The following SBF2 variants were observed in gnomAD, a reference collection of about 807,000 sequenced individuals.
SBF2 encodes SET binding factor 2, also known as myotubularin-related protein 13.
A neutral mutation model predicts 225.2 loss-of-function variants in SBF2; 112 were observed. The observed-to-expected ratio is 0.50, with a 90% CI of 0.43 to 0.58. The LOEUF (loss-of-function observed/expected upper bound fraction) is 0.58, where lower values mean the gene tolerates loss of function less well. SBF2 is among the 20% of genes least tolerant of loss of function. The probability of loss-of-function intolerance (pLI) is 0.00; values close to 1 mark genes in which losing one functional copy is unlikely to be tolerated. For missense variants in SBF2, 1,996 were observed against 2,206.2 expected (o/e 0.90, Z 1.91); for synonymous variants, 763 against 773.3 (o/e 0.99, Z 0.22).
At position 9,834,868 on chromosome 11, in the gene SBF2, C is replaced by A. The variant is rs115545933; in HGVS notation, c.3456-2448G>T. Among the ~76,000 whole-genome samples the A allele has an allele frequency of 3.6e-3, 552 of 152,286 alleles. 3 individuals are homozygous for A. Among genetic ancestry groups the A allele is most frequent in the African/African-American group, 0.013 (525 of 41,554 alleles). On this transcript the variant is annotated intron_variant, in intron 26 of 39. Transcript: ENST00000256190. ...AACGAGCACACTCCTTCACTCCCTGCCCCCTGTAGTGAGCCATCTCCTTCC... is the reference window on the plus strand; with the variant it reads ...AACGAGCACACTCCTTCACTCCCTGACCCCTGTAGTGAGCCATCTCCTTCC...
intron 16 of SBF2, among the ~76,000 whole-genome samples, chr11:9,949,933 A>G (rs1355817099): frequency 6.6e-6 from 1 of 152,162 alleles, no homozygotes; most frequent in Non-Finnish European, 1.5e-5. Flanking sequence ...AAATATCCAC[A>G]ATGTATACAT....
intron 2 of SBF2, among the ~76,000 whole-genome samples, chr11:10,080,994 T>C (rs1326199596): frequency 1.3e-5 from 2 of 152,000 alleles, no homozygotes; most frequent in Non-Finnish European, 2.9e-5. Context: ...AAAATATAGA[T>C]AGCAATACAA....
At chr11:10,263,809 G>A (rs565332304) in intron 1 of SBF2, among the ~76,000 whole-genome samples, 5 of 152,120 alleles carry the variant, frequency 3.3e-5, no homozygotes, top group African/African-American at 1.2e-4. Flanking sequence ...ACATCCTTAC[G>A]GAAAAGGTGA....
chr11:9,889,857 G>A (rs1228823650), intron 17 of SBF2, among the ~76,000 whole-genome samples: 2 of 152,058 alleles, frequency 1.3e-5, no homozygotes, highest in African/African-American at 4.8e-5. Context: ...ATGGGCATAA[G>A]GTTTCTTTTT....
intron 36 of SBF2, among the ~76,000 whole-genome samples, chr11:9,786,352 G>C (rs1223337785): frequency 6.6e-6 from 1 of 152,110 alleles, no homozygotes; most frequent in Non-Finnish European, 1.5e-5. Flanking sequence ...ATAACTTTCT[G>C]TGTGTTCTTT....
intron 2 of SBF2, among the ~76,000 whole-genome samples, chr11:10,172,056 T>G (rs1018949409): frequency 1.3e-5 from 2 of 152,100 alleles, no homozygotes; most frequent in Admixed American, 6.5e-5. Flanking sequence ...GGCTAAAGGT[T>G]TGTCAATTTT....
At chr11:9,861,489 C>A (rs1221054998) in intron 17 of SBF2, among the ~76,000 whole-genome samples, 1 of 152,030 alleles carries the variant, frequency 6.6e-6, no homozygotes, top group Admixed American at 6.6e-5. Flanking sequence ...TATGGTGAAA[C>A]CCCGTCTCTA....
intron 9 of SBF2, among the ~76,000 whole-genome samples, chr11:9,994,335 C>A (rs922555106): frequency 6.6e-5 from 10 of 151,346 alleles, no homozygotes. Context: ...ATTAGCCGGG[C>A]GTGGTGGTGG....
At chr11:10,133,377 C>A (rs533186396) in intron 2 of SBF2, among the ~76,000 whole-genome samples, 1 of 149,542 alleles carries the variant, frequency 6.7e-6, no homozygotes, top group Admixed American at 6.8e-5. Context: ...CGGGGAGGCT[C>A]GGGCCGCACA....
chr11:9,900,848 T>C (rs1384839605), intron 16 of SBF2, among the ~76,000 whole-genome samples: 1 of 152,116 alleles, frequency 6.6e-6, no homozygotes, highest in Non-Finnish European at 1.5e-5. Context: ...GCGATCCTCC[T>C]GCCTCAGCCT....
At position 9,993,122 on chromosome 11, in the gene SBF2, A is replaced by G. The variant is rs1200411646; in HGVS notation, c.1054-19T>C. The G allele has an allele frequency of 6.4e-7, 1 of 1,550,466 alleles. No individual in the cohort carries two copies. The highest frequency in any genetic ancestry group is 1.4e-5 in the African/African-American group (1 of 73,706). ...CTTTATCCTAAAAATATAAGAAGAA[A>G]TGTTAGGTAATTTAACTTTTTAAAA... On this transcript the variant is annotated intron_variant, in intron 10 of 39. Transcript: ENST00000256190.
chr11:10,130,770 A>T (rs948566362), intron 2 of SBF2, among the ~76,000 whole-genome samples: 1 of 152,186 alleles, frequency 6.6e-6, no homozygotes, highest in Non-Finnish European at 1.5e-5. Context: ...GGAGAATGCT[A>T]TATAAATTGA....
intron 23 of SBF2, among the ~76,000 whole-genome samples, chr11:9,846,559 T>G (rs1436958207): frequency 6.6e-6 from 1 of 152,230 alleles, no homozygotes; most frequent in Non-Finnish European, 1.5e-5. Context: ...CAATAGAACT[T>G]TAGCCCTAGC....
intron 1 of SBF2, among the ~76,000 whole-genome samples, chr11:10,223,611 C>G (rs1336551288): frequency 1.4e-5 from 2 of 139,464 alleles, no homozygotes; most frequent in East Asian, 4.3e-4. Flanking sequence ...CTGCAGACTT[C>G]AATCTACACT....
At chr11:10,147,755 T>G (rs1954959023) in intron 2 of SBF2, among the ~76,000 whole-genome samples, 1 of 152,214 alleles carries the variant, frequency 6.6e-6, no homozygotes, top group African/African-American at 2.4e-5. Context: ...CCACAACTAC[T>G]ACAAATTCTA....
intron 6 of SBF2, among the ~76,000 whole-genome samples, chr11:10,015,801 T>C (rs949085247): frequency 2.7e-4 from 41 of 151,802 alleles, no homozygotes; most frequent in Non-Finnish European, 2.5e-4. Context: ...GAAAAACTTG[T>C]CCCTCTTTGC....
chr11:10,032,670 T>TTA (rs529514492), intron 3 of SBF2, among the ~76,000 whole-genome samples: 116 of 152,354 alleles, frequency 7.6e-4, no homozygotes, highest in Non-Finnish European at 1.3e-3. Context: ...TCCAACATAT[T>TTA]TATCTATTTC....
intron 1 of SBF2, among the ~76,000 whole-genome samples, chr11:10,302,294 T>C (rs1964605834): frequency 3.3e-5 from 5 of 152,258 alleles, no homozygotes; most frequent in Non-Finnish European, 7.3e-5. Flanking sequence ...CTTATCTTTT[T>C]TCGACTTAAA....
At chr11:9,794,676 C>CAAAAAA (rs575749593) in intron 33 of SBF2, among the ~76,000 whole-genome samples, 4,402 of 35,328 alleles carry the variant, frequency 0.12, 1,796 homozygotes, top group East Asian at 0.19. Flanking sequence ...GACTCCGTCT[C>CAAAAAA]AAAAAAAAAA....
Sources: allele counts gnomAD v4.1 joint callset (sites outside exome capture counted in the v4.1 genomes callset), GRCh38; gene constraint gnomAD v4.1.1; transcripts MANE v1.5; gene names NCBI Gene and HGNC (gene_info 2026-07-23, HGNC 2026-07-21).